ZNF407: variants seen among roughly 807,000 people sequenced by gnomAD.
ZNF407 encodes the protein zinc finger protein 407.
In ZNF407, 17 loss-of-function variants were observed where a neutral mutation model predicts 131.2. That is an observed-to-expected ratio of 0.13 (90% CI 0.09 to 0.19). ZNF407 has a LOEUF of 0.19. Among genes scored for constraint, ZNF407 ranks in the 10% least tolerant of loss-of-function variants. The probability of loss-of-function intolerance (pLI) is 1.00; values close to 1 mark genes in which losing one functional copy is unlikely to be tolerated. For missense variants in ZNF407, 2,681 were observed against 2,830.6 expected, an observed-to-expected ratio of 0.95 and a Z score of 1.20; for synonymous variants, 1,156 against 1,062.0, an observed-to-expected ratio of 1.09 and a Z score of -1.72.
chr18:74,669,960 G>T (rs1189567045), intron 3 of ZNF407, among the ~76,000 whole-genome samples: 1 of 152,186 alleles, frequency 6.6e-6, no homozygotes, highest in East Asian at 1.9e-4. Context: ...AACCCTCTCT[G>T]AGGAGAGCCC....
intron 4 of ZNF407, among the ~76,000 whole-genome samples, chr18:74,813,585 C>T (rs148857542): frequency 8.3e-4 from 127 of 152,250 alleles, no homozygotes; most frequent in African/African-American, 2.8e-3. Context: ...GGTATTTCTG[C>T]TCATTTTCTC....
rs1319390019 is a variant in ZNF407, at chr18:75,012,391, T to TGTACACATAGTGTAC, written c.5429-50744_5429-50730dup. Among the ~76,000 whole-genome samples the TGTACACATAGTGTAC allele has an allele frequency of 5.5e-4, 30 of 54,482 alleles. 4 individuals are homozygous for TGTACACATAGTGTAC. The highest frequency in any genetic ancestry group is 1.9e-3 in the African/African-American group (29 of 15,244). The allele number at this position is 54,482 out of a possible 152,430, so 35.7% of individuals were successfully genotyped here. On this transcript the variant is annotated intron_variant, in intron 8 of 8. Coordinates refer to ENST00000299687, the MANE Select transcript of ZNF407 (RefSeq NM_017757.3). The stretch of plus-strand genomic sequence containing the variant: ...ACATAGTGTATGTACACATAGTGTA[T>TGTACACATAGTGTAC]GTACACATAGTGTACGTACACATAG...
intron 8 of ZNF407, among the ~76,000 whole-genome samples, chr18:75,037,400 T>G (rs1973321248): frequency 6.6e-6 from 1 of 152,048 alleles, no homozygotes; most frequent in African/African-American, 2.4e-5. Context: ...AAGATTGTGT[T>G]GCTGACAGAC....
At chr18:74,862,580 G>A (rs1223848667) in intron 4 of ZNF407, among the ~76,000 whole-genome samples, 4 of 152,168 alleles carry the variant, frequency 2.6e-5, no homozygotes, top group African/African-American at 7.2e-5. Flanking sequence ...ATGTAGTACT[G>A]TATCGAAGTT....
chr18:74,721,359 C>G (rs1968032224), intron 3 of ZNF407, among the ~76,000 whole-genome samples: 1 of 152,038 alleles, frequency 6.6e-6, no homozygotes. Flanking sequence ...CTCTTACCTC[C>G]CATATTCAAA....
At chr18:74,811,804 C>T (rs561550391) in intron 4 of ZNF407, among the ~76,000 whole-genome samples, 17 of 150,692 alleles carry the variant, frequency 1.1e-4, no homozygotes, top group Middle Eastern at 3.4e-3. Flanking sequence ...TATTCTCACT[C>T]ATAGGTGGTA....
At chr18:74,627,435 T>C (rs1444955176) in intron 1 of ZNF407, among the ~76,000 whole-genome samples, 1 of 152,212 alleles carries the variant, frequency 6.6e-6, no homozygotes, top group Non-Finnish European at 1.5e-5. Flanking sequence ...TACTCTTCAA[T>C]TGCAAATGTT....
chr18:74,736,724 T>C (rs112096961), intron 3 of ZNF407, among the ~76,000 whole-genome samples: 1 of 152,188 alleles, frequency 6.6e-6, no homozygotes, highest in African/African-American at 2.4e-5. Context: ...GTGGGGGTTA[T>C]GTAGAAATAA....
intron 8 of ZNF407, among the ~76,000 whole-genome samples, chr18:75,016,321 T>C (rs1973043697): frequency 6.6e-6 from 1 of 152,122 alleles, no homozygotes; most frequent in Admixed American, 6.6e-5. Context: ...TCCTTAAAAT[T>C]AGTTAAATAT....
intron 4 of ZNF407, among the ~76,000 whole-genome samples, chr18:74,821,037 G>A (rs1380018598): frequency 1.3e-5 from 2 of 152,034 alleles, no homozygotes; most frequent in African/African-American, 2.4e-5. Flanking sequence ...TCAGAGATTG[G>A]GCAGGGACAT....
At chr18:74,867,309 T>A (rs1386891153) in intron 4 of ZNF407, among the ~76,000 whole-genome samples, 1 of 152,228 alleles carries the variant, frequency 6.6e-6, no homozygotes, top group East Asian at 1.9e-4. Context: ...TCTGGAGAGT[T>A]TGACCTGGCA....
At chr18:75,042,091 G>A (rs1293859151) in intron 8 of ZNF407, among the ~76,000 whole-genome samples, 1 of 146,636 alleles carries the variant, frequency 6.8e-6, no homozygotes, top group African/African-American at 2.5e-5. Flanking sequence ...ACTAGAGTCA[G>A]AGTCTCACTA....
chr18:74,941,270 T>C (rs2930545), intron 8 of ZNF407, among the ~76,000 whole-genome samples: 8,949 of 152,262 alleles, frequency 0.059, 872 homozygotes, highest in African/African-American at 0.2. Context: ...TTTCTTGCCC[T>C]GTTATTTGAG....
chr18:75,058,152 C>G (rs1283504623), intron 8 of ZNF407, among the ~76,000 whole-genome samples: 1 of 152,088 alleles, frequency 6.6e-6, no homozygotes, highest in Non-Finnish European at 1.5e-5. Context: ...CCTCCACCCC[C>G]GCATAATGGA....
chr18:74,705,109 T>C (rs1017350027), intron 3 of ZNF407, among the ~76,000 whole-genome samples: 1 of 151,928 alleles, frequency 6.6e-6, no homozygotes. Context: ...TAATGGAGGA[T>C]TGATAAATAT....
chr18:75,063,513 C>T lies in ZNF407; in HGVS notation c.5792C>T (p.Pro1931Leu). Residue 1931 changes from proline to leucine, a missense_variant, in exon 9 of 9, where the codon CCC becomes CTC. Physicochemically the swap from Pro to Leu is moderately conservative, Grantham distance 98. Transcript: ENST00000299687. The surrounding 1 kb of genome is among the most constrained non-coding windows in gnomAD (Gnocchi z 6.6). The part of the protein sequence containing the change: ...VGSVVPGPIL[P>L]EQLADGATQV... The stretch of plus-strand genomic sequence containing the variant: ...AGCGTGGTGCCCGGACCCATCCTCC[C>T]CGAGCAGCTGGCTGATGGAGCCACC... 1 of 1,584,144 alleles carries T rather than the reference C, an allele frequency of 6.3e-7. No homozygotes were observed. Among genetic ancestry groups the T allele is most frequent in the Admixed American group, 1.8e-5 (1 of 55,608 alleles).
chr18:74,967,291 A>T (rs1972420528), intron 8 of ZNF407, among the ~76,000 whole-genome samples: 1 of 152,208 alleles, frequency 6.6e-6, no homozygotes, highest in Admixed American at 6.5e-5. Flanking sequence ...CTTATAAAGT[A>T]TAAATCTTTC....
At chr18:74,757,338 A>T (rs1333974740) in intron 3 of ZNF407, among the ~76,000 whole-genome samples, 1 of 151,894 alleles carries the variant, frequency 6.6e-6, no homozygotes, top group Non-Finnish European at 1.5e-5. Flanking sequence ...CTGAGTTTTT[A>T]TATGTTCCAT....
chr18:74,633,356 T>C lies in ZNF407; in HGVS notation c.2337T>C (p.Cys779=). ...TTGAAGAATGTATTGAAAGGGTATG[T>C]ATAGGTGCAAATGATAAAAAAGAAG... is the stretch of plus-strand genomic sequence containing the variant. ...LSFEECIERV[C]IGANDKKEEF... The change falls in exon 2 of 9, where the codon TGT becomes TGC. Residue 779 remains cysteine, a synonymous_variant. Coordinates refer to ENST00000299687, the MANE Select transcript of ZNF407 (RefSeq NM_017757.3). 6.2e-7 allele frequency: 1 copy of C among 1,613,854 alleles called. No homozygotes were observed. Among genetic ancestry groups the C allele is most frequent in the Non-Finnish European group, 8.5e-7 (1 of 1,179,878 alleles).
Sources: gnomAD v4.1 joint callset for allele counts (sites outside exome capture counted in the v4.1 genomes callset) on GRCh38, gnomAD v4.1.1 for gene constraint, Gnocchi (gnomAD v3.1) non-coding constraint, MANE v1.5 for transcripts, NCBI Gene and HGNC (gene_info 2026-07-23, HGNC 2026-07-21) for gene names.